The following ULK1 variants were observed in gnomAD, a reference collection of about 807,000 sequenced individuals.
ULK1 encodes unc-51 like autophagy activating kinase 1.
Under a neutral mutation model 117.5 loss-of-function variants are expected in ULK1, and 48 were observed. That is an observed-to-expected ratio of 0.41 (90% CI 0.32 to 0.52). ULK1 has a LOEUF of 0.52. Among genes scored for constraint, ULK1 ranks in the 20% least tolerant of loss-of-function variants. ULK1 has a pLI of 0.29. For synonymous variants in ULK1, 790 were observed against 637.8 expected (o/e 1.24, Z -3.60); for missense variants, 1,387 against 1,473.4 (o/e 0.94, Z 0.96).
intron 1 of ULK1, 61 bp downstream of exon 1, chr12:131,895,173 C>T: frequency 8.1e-7 from 1 of 1,233,772 alleles, no homozygotes; most frequent in Non-Finnish European, 1.1e-6. Context: ...GCATCCCCGC[C>T]CCGAGATTCC....
intron 5 of ULK1, 98 bp from the exon 6 acceptor site, chr12:131,908,546 C>T: frequency 8.8e-6 from 12 of 1,364,200 alleles, no homozygotes; most frequent in South Asian, 6.3e-5. Flanking sequence ...CCCTGCCTGG[C>T]GCTCTCCATC....
Position 131,913,831 on chromosome 12 carries a change from C to T in ULK1, c.1242C>T (p.Pro414=), listed in dbSNP as rs1220707990. The T allele has an allele frequency of 1.3e-6, 2 of 1,539,680 alleles. No homozygotes were observed. Among genetic ancestry groups the T allele is most frequent in the South Asian group, 2.4e-5 (2 of 81,812 alleles). The change falls in exon 15 of 28, where the codon CCC becomes CCT. Residue 414 remains proline (P), a synonymous_variant. Coordinates refer to ENST00000321867, the MANE Select transcript of ULK1 (RefSeq NM_003565.4). The part of the protein sequence containing the change: ...PSPPCSSSPS[P]SGRAGPFSSS... ...CACCCTGCAGCAGCTCCCCCAGTCCCTCAGGGTAAGCAGGGCCCCAGGCTG... is the reference window on the plus strand; with the variant it reads ...CACCCTGCAGCAGCTCCCCCAGTCCTTCAGGGTAAGCAGGGCCCCAGGCTG...
Position 131,918,940 on chromosome 12 carries a change from G to C in ULK1, c.2511+259G>C, listed in dbSNP as rs375286795. Reference sequence around the variant, plus strand: ...TGGGGTGCAGGGTGTGTGGGGTGCAGGGTGTGTGGGGTGCAGGGTGTGGGG... The same window carrying C: ...TGGGGTGCAGGGTGTGTGGGGTGCACGGTGTGTGGGGTGCAGGGTGTGGGG... On this transcript the variant is annotated intron_variant, in intron 23 of 27. Transcript: ENST00000321867. 1.9e-3 allele frequency among the ~76,000 whole-genome samples: 251 copies of C among 134,340 alleles called. 16 individuals carry two copies. The South Asian group carries it at 0.034, about 18-fold the overall frequency. The allele number at this position is 134,340 out of a possible 152,430, so 88.1% of individuals were successfully genotyped here.
chr12:131,901,352 T>C (rs926204032), intron 3 of ULK1, among the ~76,000 whole-genome samples: 1 of 145,450 alleles, frequency 6.9e-6, no homozygotes, highest in African/African-American at 2.5e-5. Context: ...GCGAGACTCG[T>C]CTCAAAAAAA....
chr12:131,918,239 A>G (rs1051050317), intron 22 of ULK1: 12 of 551,900 alleles, frequency 2.2e-5, no homozygotes, highest in African/African-American at 1.9e-4. Context: ...CGGGATACCC[A>G]GAGGGTCCCT....
At chr12:131,904,883 CCCT>C (rs766643837) in intron 3 of ULK1, among the ~76,000 whole-genome samples, 4 of 152,114 alleles carry the variant, frequency 2.6e-5, no homozygotes, top group Non-Finnish European at 5.9e-5. Context: ...CTTCATCTCC[CCCT>C]CCTTCCTGGG....
chr12:131,907,712 G>C (rs1889332639), intron 5 of ULK1, among the ~76,000 whole-genome samples, 181 bp downstream of exon 5: 1 of 152,156 alleles, frequency 6.6e-6, no homozygotes, highest in South Asian at 2.1e-4. Flanking sequence ...GCTGCTCCCG[G>C]CTGTTAAGGA....
rs1214215021 is a variant in ULK1 at position 131,902,252 on chromosome 12, T to C, written c.247-4640T>C. On this transcript the variant is annotated intron_variant, in intron 3 of 27. Transcript: ENST00000321867. The surrounding 1 kb of genome is among the most constrained non-coding windows in gnomAD (Gnocchi z 6.3). ...AGCCACAGCTGTGGCTTTTGCCACT[T>C]TCCGGAGCCAGCTCTGGAGGTGTGA... is the stretch of plus-strand genomic sequence containing the variant. 6.6e-6 allele frequency among the ~76,000 whole-genome samples: 1 copy of C among 152,150 alleles called. No individual in the cohort carries two copies. Among genetic ancestry groups the C allele is most frequent in the Non-Finnish European group, 1.5e-5 (1 of 68,008 alleles).
intron 5 of ULK1, 50 bp downstream of exon 5, chr12:131,907,581 C>G (rs770553312): frequency 3.2e-6 from 5 of 1,587,252 alleles, no homozygotes; most frequent in Non-Finnish European, 4.3e-6. Context: ...CCACAGGGCC[C>G]GCACCCAGGG....
rs2136383160 is a variant in ULK1 at position 131,902,844 on chromosome 12, A to G, written c.247-4048A>G. Among the ~76,000 whole-genome samples, 1 of 152,252 alleles carries G rather than the reference A, an allele frequency of 6.6e-6. No individual in the cohort carries two copies. Among genetic ancestry groups the G allele is most frequent in the African/African-American group, 2.4e-5 (1 of 41,554 alleles). ...TGGCCGGTTTCCTCCCCTGGAGCCC[A>G]GGGAGGCAGTTGTGGCCCTTTCTGG... On this transcript the variant is annotated intron_variant, in intron 3 of 27. Transcript: ENST00000321867. The surrounding 1 kb of genome is among the most constrained non-coding windows in gnomAD (Gnocchi z 6.3).
At chr12:131,918,766 T>C (rs1479961714) in intron 23 of ULK1, 85 bp downstream of exon 23, 2 of 1,199,592 alleles carry the variant, frequency 1.7e-6, no homozygotes, top group Non-Finnish European at 1.1e-6. Flanking sequence ...GGGTATAGGG[T>C]GTGTGGGGTG....
At chr12:131,915,733 C>A (rs1000550594) in intron 18 of ULK1, among the ~76,000 whole-genome samples, 158 bp from the exon 19 acceptor site, 1 of 152,164 alleles carries the variant, frequency 6.6e-6, no homozygotes, top group Non-Finnish European at 1.5e-5. Flanking sequence ...CATACCACCG[C>A]ACTCCAGCCT....
At chr12:131,907,592 C>A in intron 5 of ULK1, 61 bp downstream of exon 5, 1 of 1,564,010 alleles carries the variant, frequency 6.4e-7, no homozygotes, top group Non-Finnish European at 8.7e-7. Flanking sequence ...GCACCCAGGG[C>A]CACACTGGCC....
chr12:131,914,966 G>T, intron 16 of ULK1, 117 bp from the exon 17 acceptor site: 1 of 1,432,570 alleles, frequency 7.0e-7, no homozygotes, highest in Non-Finnish European at 9.3e-7. Flanking sequence ...GTGGCATGGG[G>T]TCCTGGGCTG....
Position 131,910,810 on chromosome 12 carries a change from C to T in ULK1, c.948+10C>T, listed in dbSNP as rs750575465. 9.9e-6 allele frequency: 16 copies of T among 1,612,190 alleles called. No homozygotes were observed. The highest frequency in any genetic ancestry group is 3.3e-5 in the Admixed American group (2 of 59,974). Reference sequence around the variant, plus strand: ...CCTGGCCTCCCCGCCGGTGAGTTGCCGCCCCAGGGGCTTGGCAGCTTCTCC... The same window carrying T: ...CCTGGCCTCCCCGCCGGTGAGTTGCTGCCCCAGGGGCTTGGCAGCTTCTCC... On this transcript the variant is annotated intron_variant, in intron 12 of 27. Transcript: ENST00000321867.
At chr12:131,907,695 G>A (rs1267836746) in intron 5 of ULK1, among the ~76,000 whole-genome samples, 164 bp downstream of exon 5, 1 of 152,210 alleles carries the variant, frequency 6.6e-6, no homozygotes, top group Admixed American at 6.5e-5. Context: ...GGGATGCAGG[G>A]AGCTGAGCTG....
intron 25 of ULK1, 143 bp from the exon 26 acceptor site, chr12:131,919,836 G>T: frequency 7.7e-7 from 1 of 1,292,408 alleles, no homozygotes; most frequent in African/African-American, 1.5e-5. Flanking sequence ...GCGGAGCCTG[G>T]CCACACCCTC....
At chr12:131,895,969 T>C in intron 3 of ULK1, 145 bp downstream of exon 3, 1 of 1,039,866 alleles carries the variant, frequency 9.6e-7, no homozygotes. Context: ...GGTCCAGGCC[T>C]GGGCTGGTGC....
Position 131,916,036 on chromosome 12 carries a change from A to G in ULK1, c.1755A>G (p.Pro585=), listed in dbSNP as rs1336217505. Residue 585 remains proline, a synonymous_variant, in exon 19 of 28, where the codon CCA becomes CCG. Coordinates refer to ENST00000321867, the MANE Select transcript of ULK1 (RefSeq NM_003565.4). ...CCCTGGGAGCTGTGTTCAGCCCACC[A>G]CAGGCCAGCCCTCCCCAGCCGTCCC... The part of the protein sequence containing the change: ...TDPLGAVFSP[P]QASPPQPSHG... The G allele has an allele frequency of 3.7e-6, 6 of 1,607,766 alleles. No individual in the cohort carries two copies. Among genetic ancestry groups the G allele is most frequent in the South Asian group, 3.3e-5 (3 of 90,824 alleles).
Sources: gnomAD v4.1 joint callset for allele counts (sites outside exome capture counted in the v4.1 genomes callset) on GRCh38, gnomAD v4.1.1 for gene constraint, Gnocchi (gnomAD v3.1) non-coding constraint, MANE v1.5 for transcripts, NCBI Gene and HGNC (gene_info 2026-07-23, HGNC 2026-07-21) for gene names.